Variants in NFIB observed in about 807,000 individuals in gnomAD.
NFIB encodes nuclear factor I B.
A neutral mutation model predicts 61.5 loss-of-function variants in NFIB; 11 were observed. The observed-to-expected ratio is 0.18, with a 90% confidence interval of 0.11 to 0.30. The LOEUF is 0.30. Among genes scored for constraint, NFIB ranks in the 10% least tolerant of loss-of-function variants. NFIB has a pLI of 1.00. For missense variants in NFIB, 471 were observed against 608.9 expected, an observed-to-expected ratio of 0.77 and a Z score of 2.38; for synonymous variants, 260 against 216.5, an observed-to-expected ratio of 1.20 and a Z score of -1.76.
intron 3 of NFIB, among the ~76,000 whole-genome samples, chr9:14,165,969 C>T (rs948355242): frequency 1.3e-5 from 2 of 152,108 alleles, no homozygotes; most frequent in African/African-American, 2.4e-5. Context: ...CTGTATTGTA[C>T]ACTTAAAAAT....
At chr9:14,366,836 G>A (rs1588376514) in intron 1 of NFIB, among the ~76,000 whole-genome samples, 1 of 152,064 alleles carries the variant, frequency 6.6e-6, no homozygotes. Context: ...GAACCCTCTA[G>A]GACAAGTGGC....
chr9:14,532,005 G>A, the NFIB span: 71 of 152,914 alleles, frequency 4.6e-4, no homozygotes, highest in Non-Finnish European at 6.9e-4. Flanking sequence ...GGAGCTGTCC[G>A]ACGTTTTCCC....
chr9:14,189,709 A>G lies in NFIB; in HGVS notation c.563-9929T>C, dbSNP rs537644817. The stretch of plus-strand genomic sequence containing the variant: ...TGCAACTCTTCTGCTACATTTTAAA[A>G]CCCATGGGGTCAAGAAACATGTTAG... On this transcript the variant is annotated intron_variant, in intron 2 of 10. Coordinates refer to ENST00000380953, the MANE Select transcript of NFIB (RefSeq NM_001190737.2). Among the ~76,000 whole-genome samples, 12 of 150,400 alleles carry G rather than the reference A, an allele frequency of 8.0e-5. No homozygotes were observed. The East Asian group carries it at 2.3e-3, about 29-fold the overall frequency.
rs760774583 is a variant in NFIB at position 14,102,558 on chromosome 9, G to T, written c.1467+10441C>A. ...CAGATATGGATCGAGCAGTACTACA[G>T]TTTTTAGTATTTAAATGAACACATG... On this transcript the variant is annotated intron_variant, in intron 10 of 10. Transcript: ENST00000380953. The T allele has an allele frequency of 4.1e-6, 6 of 1,472,876 alleles. No homozygotes were observed. In the South Asian group the frequency reaches 6.2e-5, roughly 15 times the overall value. 91.2% of individuals were successfully genotyped at this position (1,472,876 alleles called of 1,614,324 possible). A position where few individuals can be genotyped will look rare whatever the true frequency, so the allele number is the denominator to read the frequency against.
intron 2 of NFIB, among the ~76,000 whole-genome samples, chr9:14,187,895 C>A (rs904160946): frequency 6.6e-6 from 1 of 152,146 alleles, no homozygotes; most frequent in African/African-American, 2.4e-5. Flanking sequence ...GTTAAACCTG[C>A]CAACATCTCT....
chr9:14,285,436 T>C (rs1051396030), intron 2 of NFIB, among the ~76,000 whole-genome samples: 2 of 152,216 alleles, frequency 1.3e-5, no homozygotes, highest in Non-Finnish European at 2.9e-5. Context: ...TTCAATTCTT[T>C]TTAGTGTGTC....
intron 2 of NFIB, among the ~76,000 whole-genome samples, chr9:14,202,504 G>C (rs765688590): frequency 2.0e-5 from 3 of 152,232 alleles, no homozygotes; most frequent in Non-Finnish European, 4.4e-5. Context: ...CACACTACAT[G>C]AAAGTCTCAA....
intron 10 of NFIB, among the ~76,000 whole-genome samples, chr9:14,105,736 C>A (rs997428702): frequency 2.0e-5 from 3 of 152,128 alleles, no homozygotes; most frequent in African/African-American, 7.2e-5. Context: ...CCTGACCAAG[C>A]AAATTGTGAA....
At chr9:14,343,597 T>C (rs1404393166) in intron 1 of NFIB, among the ~76,000 whole-genome samples, 1 of 152,158 alleles carries the variant, frequency 6.6e-6, no homozygotes, top group Non-Finnish European at 1.5e-5. Context: ...CCCTTCCCAC[T>C]TTACAAAGGT....
chr9:14,098,118 T>C (rs905719292), intron 10 of NFIB, among the ~76,000 whole-genome samples: 10 of 152,198 alleles, frequency 6.6e-5, no homozygotes, highest in African/African-American at 2.4e-4. Context: ...CATTCAATTA[T>C]GGCATCCGCA....
chr9:14,313,638 T>C lies in NFIB; in HGVS notation c.-127A>G, dbSNP rs1714682577. ...GATCAATCAGGACGGGGCTCTGCGC[T>C]GGATCACCGCAACTTCACAACAAAC... On this transcript the variant is annotated 5_prime_UTR_variant, in exon 1 of 11. Transcript: ENST00000380953. This position sits in a 1 kb window ranked among gnomAD's most constrained non-coding sequence, Gnocchi z 4.5. 4.5e-6 allele frequency: 7 copies of C among 1,557,198 alleles called. No homozygotes were observed. The highest frequency in any genetic ancestry group is 6.1e-6 in the Non-Finnish European group (7 of 1,152,634).
At chr9:14,526,014 T>C in the NFIB span, among the ~76,000 whole-genome samples, 1 of 152,140 alleles carries the variant, frequency 6.6e-6, no homozygotes, top group South Asian at 2.1e-4. Flanking sequence ...CACGACAGGT[T>C]GGAGCGACAT....
chr9:14,516,120 A>T, the NFIB span, among the ~76,000 whole-genome samples: 2 of 152,250 alleles, frequency 1.3e-5, no homozygotes, highest in African/African-American at 4.8e-5. Context: ...GGATTTGCAG[A>T]CAATTGCCTC....
Position 14,294,775 on chromosome 9 carries a change from G to A in NFIB, c.562+12214C>T, listed in dbSNP as rs555557359. 2.6e-5 allele frequency among the ~76,000 whole-genome samples: 4 copies of A among 152,252 alleles called. No homozygotes were observed. The South Asian group carries it at 8.3e-4, about 32-fold the overall frequency. ...GTACGTGATACACTTATTATAAAGT[G>A]CTCCATATAAGAATATGATGCCTTT... On this transcript the variant is annotated intron_variant, in intron 2 of 10. Transcript: ENST00000380953.
Position 14,175,848 on chromosome 9 carries a change from G to T in NFIB, c.616+3879C>A, listed in dbSNP as rs552729289. Among the ~76,000 whole-genome samples the T allele has an allele frequency of 2.0e-4, 31 of 152,328 alleles. 1 individual carries two copies. In the South Asian group the frequency reaches 5.6e-3, roughly 27 times the overall value. On this transcript the variant is annotated intron_variant, in intron 3 of 10. Coordinates refer to ENST00000380953, the MANE Select transcript of NFIB (RefSeq NM_001190737.2). ...ACATGTCTTCGTCATATTACCAGCA[G>T]AGAATTCCCCACAAAACTACCAGCC...
intron 2 of NFIB, among the ~76,000 whole-genome samples, chr9:14,246,999 ATC>A (rs34679914): frequency 1.7e-4 from 26 of 150,202 alleles, no homozygotes; most frequent in Non-Finnish European, 2.1e-4. Context: ...CTTTCACTAT[ATC>A]TCTCTCTCTC....
At chr9:14,172,709 G>A (rs1378281228) in intron 3 of NFIB, among the ~76,000 whole-genome samples, 2 of 151,942 alleles carry the variant, frequency 1.3e-5, no homozygotes, top group South Asian at 2.1e-4. Context: ...CTATTCTTAT[G>A]CATCTTCTGT....
chr9:14,320,181 C>G (rs2060630186), intron 1 of NFIB, among the ~76,000 whole-genome samples: 1 of 152,160 alleles, frequency 6.6e-6, no homozygotes, highest in Non-Finnish European at 1.5e-5. Context: ...AACAATGAAA[C>G]CGTCACCATT....
intron 1 of NFIB, among the ~76,000 whole-genome samples, chr9:14,342,731 CT>C (rs769685304): frequency 2.2e-4 from 33 of 152,118 alleles, no homozygotes; most frequent in Non-Finnish European, 4.0e-4. Context: ...TCCTCCCTTC[CT>C]CTCTTGACAA....
Sources: gnomAD v4.1 joint callset for allele counts (sites outside exome capture counted in the v4.1 genomes callset) on GRCh38, gnomAD v4.1.1 for gene constraint, Gnocchi (gnomAD v3.1) non-coding constraint, MANE v1.5 for transcripts, NCBI Gene and HGNC (gene_info 2026-07-23, HGNC 2026-07-21) for gene names.